PABPC4: variants seen among roughly 807,000 people sequenced by gnomAD.
PABPC4 encodes the protein polyadenylate-binding protein 4.
Under a neutral mutation model 74.5 loss-of-function variants are expected in PABPC4, and 15 were observed. The ratio of observed to expected loss-of-function variants is 0.20; its 90% CI spans 0.13 to 0.31. PABPC4 has a LOEUF of 0.31. PABPC4 is among the 10% of genes least tolerant of loss of function. The pLI is 1.00. For synonymous variants in PABPC4, 345 were observed against 303.0 expected, an observed-to-expected ratio of 1.14 and a Z score of -1.44; for missense variants, 610 against 853.5, an observed-to-expected ratio of 0.71 and a Z score of 3.55.
At chr1:39,564,908 G>T in intron 8 of PABPC4, 135 bp from the exon 9 acceptor site, 1 of 871,350 alleles carries the variant, frequency 1.1e-6, no homozygotes, top group Non-Finnish European at 1.8e-6. Flanking sequence ...TGAGGGGTCA[G>T]CTAATGGGGA....
At chr1:39,568,713 C>T in intron 6 of PABPC4, 89 bp downstream of exon 6, 1 of 1,247,574 alleles carries the variant, frequency 8.0e-7, no homozygotes, top group Non-Finnish European at 1.1e-6. Context: ...CACTCCAAGT[C>T]CTCAAAAAGA....
intron 14 of PABPC4, 130 bp from the exon 15 acceptor site, chr1:39,561,917 C>A: frequency 8.5e-7 from 1 of 1,170,160 alleles, no homozygotes; most frequent in East Asian, 2.4e-5. Context: ...AACTACTTTC[C>A]CAAATACCCA....
chr1:39,571,927 T>C (rs1017656222), intron 2 of PABPC4, among the ~76,000 whole-genome samples: 2 of 152,214 alleles, frequency 1.3e-5, no homozygotes, highest in African/African-American at 4.8e-5. Context: ...ACCACGGTGA[T>C]GCAGAAAACA....
chr1:39,566,283 A>G (rs908847922), intron 7 of PABPC4, among the ~76,000 whole-genome samples: 5 of 152,184 alleles, frequency 3.3e-5, no homozygotes, highest in African/African-American at 1.2e-4. Context: ...CAACGTCAGG[A>G]TAACACTTTT....
intron 1 of PABPC4, among the ~76,000 whole-genome samples, chr1:39,575,106 A>G (rs1646004770): frequency 6.6e-6 from 1 of 152,226 alleles, no homozygotes; most frequent in African/African-American, 2.4e-5. Flanking sequence ...ACGACACTCT[A>G]CAGCACAGAG....
At chr1:39,575,687 A>G in intron 1 of PABPC4, 72 bp downstream of exon 1, 1 of 1,268,394 alleles carries the variant, frequency 7.9e-7, no homozygotes. Flanking sequence ...CCTCGGCAGG[A>G]GGGCCCTGCC....
chr1:39,561,958 C>A, intron 14 of PABPC4, 115 bp downstream of exon 14: 1 of 1,290,026 alleles, frequency 7.8e-7, no homozygotes, highest in Non-Finnish European at 1.1e-6. Context: ...CAAGGCATGA[C>A]GAGAGGGGTC....
intron 7 of PABPC4, 151 bp downstream of exon 7, chr1:39,567,600 T>C: frequency 1.4e-6 from 1 of 697,958 alleles, no homozygotes; most frequent in Admixed American, 2.0e-5. Flanking sequence ...AATGTCATTC[T>C]CCAGAATGCA....
At position 39,567,584 on chromosome 1, in the gene PABPC4, T is replaced by G. The variant is rs1310377888; in HGVS notation, c.972+167A>C. ...CTTGGGAAACAGTGTAATGTTAACCTAATGAAATGTCATTCTCCAGAATGC... is the reference window on the plus strand; with the variant it reads ...CTTGGGAAACAGTGTAATGTTAACCGAATGAAATGTCATTCTCCAGAATGC... On this transcript the variant is annotated intron_variant, in intron 7 of 15. Transcript: ENST00000372858. 32 of 697,284 alleles carry G rather than the reference T, an allele frequency of 4.6e-5. No individual in the cohort carries two copies. The South Asian group carries it at 4.6e-4, about 10-fold the overall frequency. The allele number at this position is 697,284 out of a possible 1,614,324, so 43.2% of individuals were successfully genotyped here.
chr1:39,562,185 A>T lies in PABPC4; in HGVS notation c.1781T>A (p.Leu594His). ...CAGATTTGAATGCATTGTTTGGATG[A>T]GTGGGAACAAGCGTTCTCCTATGGG... is the stretch of plus-strand genomic sequence containing the variant. ...KQMLGERLFP[L>H]IQTMHSNLAG... The change falls in exon 14 of 16, where the codon CTC becomes CAC. Residue 594 changes from leucine (L) to histidine (H), a missense_variant. Around this residue, in one of 4 missense-constraint regions of PABPC4, gnomAD observed 277 missense variants for 301.8 expected, o/e 0.92. Coordinates refer to ENST00000372858, the MANE Select transcript of PABPC4 (RefSeq NM_001135653.2). 2 of 1,614,212 alleles carry T rather than the reference A, an allele frequency of 1.2e-6. No individual in the cohort carries two copies. Among genetic ancestry groups the T allele is most frequent in the South Asian group, 2.2e-5 (2 of 91,078 alleles).
At chr1:39,569,534 C>A (rs1378442499) in intron 5 of PABPC4, 61 bp downstream of exon 5, 8 of 1,196,904 alleles carry the variant, frequency 6.7e-6, no homozygotes, top group South Asian at 1.2e-5. Flanking sequence ...GCTAGCAAGA[C>A]CCTACCCATA....
intron 15 of PABPC4, 57 bp downstream of exon 15, chr1:39,561,628 G>GACAATGCTCATAGGA (rs966786030): frequency 1.9e-5 from 24 of 1,231,206 alleles, no homozygotes; most frequent in Non-Finnish European, 2.9e-5. Flanking sequence ...AAACCACAAA[G>GACAATGCTCATAGGA]ACAATGCTCA....
chr1:39,563,917 C>A lies in PABPC4; in HGVS notation c.1459G>T (p.Glu487Ter). 1 of 1,614,174 alleles carries A rather than the reference C, an allele frequency of 6.2e-7. No individual in the cohort carries two copies. The highest frequency in any genetic ancestry group is 8.5e-7 in the Non-Finnish European group (1 of 1,180,034). ...LPTTTQRVGSECPDRLAMDFG... is the reference protein window; with the variant it reads ...LPTTTQRVGS ...TCCATAGCCAAGCGGTCCGGGCACT[C>A]AGACCCTACAACAGACCAGCAAATG... The change falls in exon 11 of 16, where the codon GAG becomes TAG. Residue 487 changes from glutamate (E) to a stop codon, truncating the protein, a stop_gained. Coordinates refer to ENST00000372858, the MANE Select transcript of PABPC4 (RefSeq NM_001135653.2). LOFTEE classifies it high-confidence loss of function.
In PABPC4 at chr1:39,576,733, T is replaced by C. The variant is rs1570406678; in HGVS notation, c.-782A>G. ...TTTTTTTTATCTTTTTCTCTTTTTT[T>C]CCTCAGGCTGCGAAGCCCGAAAGCG... On this transcript the variant is annotated 5_prime_UTR_variant, in exon 1 of 16. Coordinates refer to ENST00000372858, the MANE Select transcript of PABPC4 (RefSeq NM_001135653.2). 2 of 149,840 alleles carry C rather than the reference T, an allele frequency of 1.3e-5. No individual in the cohort carries two copies. The highest frequency in any genetic ancestry group is 6.6e-5 in the Admixed American group (1 of 15,086). The allele number at this position is 149,840 out of a possible 1,614,324, so 9.3% of individuals were successfully genotyped here. A position where few individuals can be genotyped will look rare whatever the true frequency, so the allele number is the denominator to read the frequency against.
chr1:39,573,492 C>T (rs556919924), intron 1 of PABPC4, among the ~76,000 whole-genome samples: 1 of 152,300 alleles, frequency 6.6e-6, no homozygotes, highest in East Asian at 1.9e-4. Context: ...GCTTCCCAAC[C>T]AAGTCCGTGT....
chr1:39,562,226 AAAAAC>A, intron 13 of PABPC4, 23 bp from the exon 14 acceptor site: 2 of 1,614,026 alleles, frequency 1.2e-6, no homozygotes, highest in Non-Finnish European at 1.7e-6. Context: ...TAGTTAATAA[AAAAAC>A]AAATCAAATC....
intron 1 of PABPC4, 72 bp downstream of exon 1, chr1:39,575,687 A>C (rs1422830960): frequency 1.6e-6 from 2 of 1,268,390 alleles, no homozygotes; most frequent in Non-Finnish European, 2.1e-6. Flanking sequence ...CCTCGGCAGG[A>C]GGGCCCTGCC....
chr1:39,564,859 C>G (rs142572148), intron 8 of PABPC4, 86 bp from the exon 9 acceptor site: 1 of 1,092,832 alleles, frequency 9.2e-7, no homozygotes, highest in East Asian at 2.4e-5. Flanking sequence ...CTAACCAGGA[C>G]CTAAGCTAAT....
At chr1:39,561,655 A>G in intron 15 of PABPC4, 30 bp downstream of exon 15, 1 of 1,480,882 alleles carries the variant, frequency 6.8e-7, no homozygotes, top group Non-Finnish European at 9.4e-7. Context: ...CAATGCTCAT[A>G]GGAACAAAAA....
Sources: gnomAD v4.1 joint callset for allele counts (sites outside exome capture counted in the v4.1 genomes callset) on GRCh38, gnomAD v4.1.1 for gene constraint, gnomAD v4.1.1 regional missense constraint, MANE v1.5 for transcripts, NCBI Gene and HGNC (gene_info 2026-07-23, HGNC 2026-07-21) for gene names.